The following ARHGAP39 variants were observed in gnomAD, a reference collection of about 807,000 sequenced individuals.
ARHGAP39 encodes Rho GTPase activating protein 39, also known as rho GTPase-activating protein 39.
In ARHGAP39, 44 loss-of-function variants were observed where a neutral mutation model predicts 106.9. That is an observed-to-expected ratio of 0.41 (90% CI 0.32 to 0.53). The LOEUF is 0.53. Ranked by LOEUF, ARHGAP39 falls within the 20% of genes least tolerant of loss-of-function variation. ARHGAP39 has a pLI of 0.21. For missense variants in ARHGAP39, 1,496 were observed against 1,577.3 expected, an observed-to-expected ratio of 0.95 and a Z score of 0.87; for synonymous variants, 768 against 693.2, an observed-to-expected ratio of 1.11 and a Z score of -1.69.
At chr8:144,533,032 T>C in intron 9 of ARHGAP39, 94 bp downstream of exon 9, 2 of 1,453,824 alleles carry the variant, frequency 1.4e-6, no homozygotes, top group Non-Finnish European at 1.9e-6. Context: ...AGCAGCCCAG[T>C]GGGCCTGAGG....
In ARHGAP39 at chr8:144,684,358, C is replaced by T. The variant is rs1417498051; in HGVS notation, c.-82+1328G>A. 1.3e-5 allele frequency among the ~76,000 whole-genome samples: 2 copies of T among 152,256 alleles called. No individual in the cohort carries two copies. Among genetic ancestry groups the T allele is most frequent in the African/African-American group, 4.8e-5 (2 of 41,466 alleles). Reference sequence around the variant, plus strand: ...TGTGGATCGGGCGCCGCCGACGGAACCACCTGCTGTCTATAGAGGGCACCT... The same window carrying T: ...TGTGGATCGGGCGCCGCCGACGGAATCACCTGCTGTCTATAGAGGGCACCT... On this transcript the variant is annotated intron_variant, in intron 1 of 11. Transcript: ENST00000377307. This position sits in a 1 kb window ranked among gnomAD's most constrained non-coding sequence, Gnocchi z 4.4.
At chr8:144,692,590 G>T in the ARHGAP39 span, among the ~76,000 whole-genome samples, 1 of 152,090 alleles carries the variant, frequency 6.6e-6, no homozygotes, top group African/African-American at 2.4e-5. Context: ...GCTGTGGACC[G>T]GCTTGCTCTT....
rs1315386310 is a variant in ARHGAP39 at position 144,647,055 on chromosome 8, G to A, written c.-82+38631C>T. On this transcript the variant is annotated intron_variant, in intron 1 of 11. Transcript: ENST00000377307. This position sits in a 1 kb window ranked among gnomAD's most constrained non-coding sequence, Gnocchi z 4.8. ...ACCATCTCGGCTCACTGCAAGCTCC[G>A]CCTCCTGGGTTCACACCATTCTCCT... Among the ~76,000 whole-genome samples, 3 of 145,366 alleles carry A rather than the reference G, an allele frequency of 2.1e-5. No homozygotes were observed. The highest frequency in any genetic ancestry group is 7.2e-5 in the Admixed American group (1 of 13,886).
chr8:144,542,540 C>A (rs1226916931), intron 6 of ARHGAP39, among the ~76,000 whole-genome samples: 1 of 152,204 alleles, frequency 6.6e-6, no homozygotes, highest in Non-Finnish European at 1.5e-5. Flanking sequence ...CAGGCTATAT[C>A]CGACATCCTC....
At chr8:144,621,415 C>T (rs1420921384) in intron 1 of ARHGAP39, among the ~76,000 whole-genome samples, 1 of 152,248 alleles carries the variant, frequency 6.6e-6, no homozygotes, top group African/African-American at 2.4e-5. Flanking sequence ...AAGAGACAGT[C>T]CCATGGCTTC....
upstream of ARHGAP39, among the ~76,000 whole-genome samples, chr8:144,690,460 C>T (rs2976617): frequency 6.6e-6 from 1 of 152,072 alleles, no homozygotes; most frequent in South Asian, 2.1e-4. Context: ...TCCATATCTT[C>T]TCCAACACTT....
chr8:144,644,692 A>T lies in ARHGAP39; in HGVS notation c.-81-38997T>A, dbSNP rs975909155. The stretch of plus-strand genomic sequence containing the variant: ...GGCCCTTGGGAGCAGTGCAGTCTGC[A>T]GGACTTCATCATCAACCCAGGCCAA... On this transcript the variant is annotated intron_variant, in intron 1 of 11. Coordinates refer to ENST00000377307, the MANE Select transcript of ARHGAP39 (RefSeq NM_025251.3). The surrounding 1 kb of genome is among the most constrained non-coding windows in gnomAD (Gnocchi z 4.8). Among the ~76,000 whole-genome samples, 3 of 152,176 alleles carry T rather than the reference A, an allele frequency of 2.0e-5. No individual in the cohort carries two copies.
At chr8:144,607,174 G>A (rs1230424695) in intron 1 of ARHGAP39, among the ~76,000 whole-genome samples, 1 of 145,532 alleles carries the variant, frequency 6.9e-6, no homozygotes, top group African/African-American at 2.6e-5. Context: ...TACACGTGAG[G>A]AAGAGGAGGG....
chr8:144,604,121 G>T lies in ARHGAP39; in HGVS notation c.80+1414C>A, dbSNP rs1479563621. Among the ~76,000 whole-genome samples, 1 of 152,202 alleles carries T rather than the reference G, an allele frequency of 6.6e-6. No individual in the cohort carries two copies. The highest frequency in any genetic ancestry group is 2.4e-5 in the African/African-American group (1 of 41,440). On this transcript the variant is annotated intron_variant, in intron 2 of 11. Transcript: ENST00000377307. The surrounding 1 kb of genome is among the most constrained non-coding windows in gnomAD (Gnocchi z 4.1). ...ACTGTGGAAGGTGCACAGAGTCCCAGAAAGACCAACCACACAGGGAGGCAC... is the reference window on the plus strand; with the variant it reads ...ACTGTGGAAGGTGCACAGAGTCCCATAAAGACCAACCACACAGGGAGGCAC...
At chr8:144,570,949 G>A (rs1204551450) in intron 3 of ARHGAP39, among the ~76,000 whole-genome samples, 2 of 152,148 alleles carry the variant, frequency 1.3e-5, no homozygotes, top group African/African-American at 4.8e-5. Context: ...TTGAATCTCT[G>A]AATAGACGAA....
chr8:144,550,795 A>G lies in ARHGAP39; in HGVS notation c.597-2306T>C, dbSNP rs575899075. On this transcript the variant is annotated intron_variant, in intron 4 of 11. Coordinates refer to ENST00000377307, the MANE Select transcript of ARHGAP39 (RefSeq NM_025251.3). ...GGTGGCAGCCAGTGTGGCAGGGGCCATCAAACCCTGAGGGCCAGCTGTGGG... is the reference window on the plus strand; with the variant it reads ...GGTGGCAGCCAGTGTGGCAGGGGCCGTCAAACCCTGAGGGCCAGCTGTGGG... Among the ~76,000 whole-genome samples, 46 of 152,340 alleles carry G rather than the reference A, an allele frequency of 3.0e-4. 1 individual carries two copies. In the South Asian group the frequency reaches 9.5e-3, roughly 32 times the overall value.
At chr8:144,648,471 G>A (rs1258428450) in intron 1 of ARHGAP39, among the ~76,000 whole-genome samples, 1 of 152,220 alleles carries the variant, frequency 6.6e-6, no homozygotes, top group African/African-American at 2.4e-5. Flanking sequence ...CAGAACTACT[G>A]AAGGGCTCGT....
rs1821485678 is a variant in ARHGAP39 at position 144,647,922 on chromosome 8, A to AAGACTGG, written c.-82+37757_-82+37763dup. 6.6e-6 allele frequency among the ~76,000 whole-genome samples: 1 copy of AAGACTGG among 152,212 alleles called. No homozygotes were observed. The highest frequency in any genetic ancestry group is 2.4e-5 in the African/African-American group (1 of 41,456). ...AAGGACTAAAAGCTACCAGAGACAA[A>AAGACTGG]AGACTGGAGGGCTGAAAACATGTAT... On this transcript the variant is annotated intron_variant, in intron 1 of 11. Coordinates refer to ENST00000377307, the MANE Select transcript of ARHGAP39 (RefSeq NM_025251.3). This position sits in a 1 kb window ranked among gnomAD's most constrained non-coding sequence, Gnocchi z 4.8.
intron 3 of ARHGAP39, among the ~76,000 whole-genome samples, chr8:144,580,612 ACTC>A (rs1408447467): frequency 3.1e-5 from 4 of 128,134 alleles, no homozygotes; most frequent in African/African-American, 6.1e-5. Flanking sequence ...TACCTGACCT[ACTC>A]CTCACCTGGC....
chr8:144,692,815 A>G, the ARHGAP39 span, among the ~76,000 whole-genome samples: 2 of 137,300 alleles, frequency 1.5e-5, no homozygotes, highest in South Asian at 4.5e-4. Context: ...GCTGCAGTGC[A>G]ATGGTGTGAT....
intron 1 of ARHGAP39, among the ~76,000 whole-genome samples, chr8:144,631,483 C>T (rs184760062): frequency 6.6e-6 from 1 of 152,382 alleles, no homozygotes; most frequent in East Asian, 1.9e-4. Context: ...CCCCGTTTCA[C>T]GGGTGTGATA....
chr8:144,607,374 C>T (rs943317263), intron 1 of ARHGAP39, among the ~76,000 whole-genome samples: 3 of 152,246 alleles, frequency 2.0e-5, no homozygotes, highest in East Asian at 3.9e-4. Context: ...CGGGTGGTGA[C>T]GGGGAGGGAC....
intron 1 of ARHGAP39, among the ~76,000 whole-genome samples, chr8:144,669,557 A>C (rs1822050020): frequency 6.6e-6 from 1 of 151,310 alleles, no homozygotes; most frequent in Non-Finnish European, 1.5e-5. Flanking sequence ...TATGTACTGC[A>C]AAAAATAAAG....
chr8:144,683,853 A>G (rs1822498042), intron 1 of ARHGAP39, among the ~76,000 whole-genome samples: 1 of 152,152 alleles, frequency 6.6e-6, no homozygotes, highest in South Asian at 2.1e-4. Flanking sequence ...CTGAAGACCC[A>G]CTGACCCAGC....
Sources: allele counts gnomAD v4.1 joint callset (sites outside exome capture counted in the v4.1 genomes callset), GRCh38; gene constraint gnomAD v4.1.1; non-coding constraint Gnocchi (gnomAD v3.1); transcripts MANE v1.5; gene names NCBI Gene and HGNC (gene_info 2026-07-23, HGNC 2026-07-21).